Variants in CSMD1 observed in about 807,000 individuals in gnomAD.
CSMD1 encodes CUB and Sushi multiple domains 1.
Under a neutral mutation model 417.5 loss-of-function variants are expected in CSMD1, and 213 were observed. The ratio of observed to expected loss-of-function variants is 0.51; its 90% CI spans 0.46 to 0.57. The LOEUF (loss-of-function observed/expected upper bound fraction) is 0.57, where lower values mean the gene tolerates loss of function less well. Among genes scored for constraint, CSMD1 ranks in the 20% least tolerant of loss-of-function variants. The pLI is 0.00. For missense variants in CSMD1, 6,923 were observed against 4,529.7 expected (o/e 1.53, Z -15.17); for synonymous variants, 2,862 against 1,736.8 (o/e 1.65, Z -16.11).
At chr8:4,076,603 A>T (rs1488477045) in intron 3 of CSMD1, among the ~76,000 whole-genome samples, 1 of 152,244 alleles carries the variant, frequency 6.6e-6, no homozygotes, top group Non-Finnish European at 1.5e-5. Flanking sequence ...CTAAACTTAA[A>T]AACATTTGAT....
intron 6 of CSMD1, among the ~76,000 whole-genome samples, chr8:3,714,972 A>G (rs1801743866): frequency 6.6e-6 from 1 of 152,174 alleles, no homozygotes; most frequent in Admixed American, 6.6e-5. Context: ...CATTTACACT[A>G]TAATAAATTA....
intron 5 of CSMD1, among the ~76,000 whole-genome samples, chr8:3,858,644 A>C (rs1453433488): frequency 6.6e-6 from 1 of 151,274 alleles, no homozygotes; most frequent in East Asian, 1.9e-4. Context: ...TTTTCTATGT[A>C]TTTAATGCTG....
intron 1 of CSMD1, among the ~76,000 whole-genome samples, chr8:4,980,036 C>A (rs952451183): frequency 1.3e-5 from 2 of 151,876 alleles, no homozygotes; most frequent in African/African-American, 4.8e-5. Flanking sequence ...GACTCCATCC[C>A]AAAAAATAAA....
chr8:4,467,092 C>G (rs1245492458), intron 2 of CSMD1, among the ~76,000 whole-genome samples: 1 of 122,542 alleles, frequency 8.2e-6, no homozygotes, highest in Admixed American at 9.2e-5. Flanking sequence ...TTTCAAATTT[C>G]AACTTAGTCT....
intron 3 of CSMD1, among the ~76,000 whole-genome samples, chr8:4,302,973 C>G (rs1798059912): frequency 6.6e-6 from 1 of 151,968 alleles, no homozygotes; most frequent in East Asian, 1.9e-4. Context: ...ACCAGAAGTT[C>G]AGCCCTCTGT....
chr8:4,249,389 A>G (rs761282762), intron 3 of CSMD1, among the ~76,000 whole-genome samples: 1 of 152,210 alleles, frequency 6.6e-6, no homozygotes, highest in East Asian at 1.9e-4. Flanking sequence ...ATTCCACAGA[A>G]AACAACTTTT....
intron 7 of CSMD1, among the ~76,000 whole-genome samples, chr8:3,656,923 T>TG (rs1554501854): frequency 2.1e-5 from 3 of 142,542 alleles, no homozygotes; most frequent in Admixed American, 7.0e-5. Context: ...AGACTCTGTC[T>TG]AAAAAAAAAA....
chr8:4,930,182 A>G (rs905383176), intron 1 of CSMD1, among the ~76,000 whole-genome samples: 1 of 152,170 alleles, frequency 6.6e-6, no homozygotes, highest in African/African-American at 2.4e-5. Flanking sequence ...GTAGGCATGG[A>G]CAGACGTTCT....
chr8:4,261,511 T>C (rs956809677), intron 3 of CSMD1, among the ~76,000 whole-genome samples: 2 of 152,204 alleles, frequency 1.3e-5, no homozygotes, highest in African/African-American at 2.4e-5. Context: ...TAGCTAGTAA[T>C]ACTGTTATTA....
intron 1 of CSMD1, among the ~76,000 whole-genome samples, chr8:4,743,365 G>T (rs111244868): frequency 3.1e-3 from 470 of 152,096 alleles, no homozygotes; most frequent in African/African-American, 0.011. Context: ...AACAAAAAAC[G>T]TTCACAGGAT....
intron 1 of CSMD1, among the ~76,000 whole-genome samples, chr8:4,809,942 C>A (rs567069669): frequency 6.7e-4 from 102 of 152,296 alleles, no homozygotes; most frequent in African/African-American, 7.9e-4. Context: ...AAATCAGTTT[C>A]TTCACCTGTT....
intron 3 of CSMD1, among the ~76,000 whole-genome samples, chr8:4,073,994 G>A (rs911338779): frequency 6.6e-6 from 1 of 152,004 alleles, no homozygotes; most frequent in East Asian, 1.9e-4. Context: ...GCTTTGGGAA[G>A]CTTTAATGAC....
At chr8:4,731,315 G>T (rs547864150) in intron 1 of CSMD1, among the ~76,000 whole-genome samples, 2 of 152,252 alleles carry the variant, frequency 1.3e-5, no homozygotes, top group Non-Finnish European at 2.9e-5. Flanking sequence ...GGAATCAGCA[G>T]TTTTTGCTCC....
At chr8:4,450,349 C>T (rs77880457) in intron 2 of CSMD1, among the ~76,000 whole-genome samples, 115 of 152,088 alleles carry the variant, frequency 7.6e-4, no homozygotes, top group Non-Finnish European at 1.4e-3. Flanking sequence ...ATTTAGTAGC[C>T]GGGTGTGGTG....
chr8:3,422,622 A>T (rs1322844920), intron 12 of CSMD1, among the ~76,000 whole-genome samples: 1 of 152,354 alleles, frequency 6.6e-6, no homozygotes, highest in East Asian at 1.9e-4. Context: ...GTCTTTTGGG[A>T]ATCAAGTGGG....
intron 7 of CSMD1, among the ~76,000 whole-genome samples, chr8:3,691,708 C>G (rs964137456): frequency 6.6e-6 from 1 of 152,050 alleles, no homozygotes; most frequent in African/African-American, 2.4e-5. Context: ...AAATAAAACC[C>G]TATAAGGTAA....
chr8:3,751,975 G>C (rs577567426), intron 6 of CSMD1, among the ~76,000 whole-genome samples: 162 of 152,236 alleles, frequency 1.1e-3, no homozygotes, highest in Middle Eastern at 6.8e-3. Flanking sequence ...TGTTAAATCT[G>C]GTACGGGATG....
intron 1 of CSMD1, among the ~76,000 whole-genome samples, chr8:4,737,837 G>C (rs181188369): frequency 6.6e-6 from 1 of 152,192 alleles, no homozygotes; most frequent in Non-Finnish European, 1.5e-5. Context: ...TGGTAGGAAA[G>C]GGAGGAGGAG....
intron 3 of CSMD1, among the ~76,000 whole-genome samples, chr8:4,251,173 G>A (rs535746675): frequency 6.6e-6 from 1 of 152,070 alleles, no homozygotes; most frequent in African/African-American, 2.4e-5. Flanking sequence ...AATGAAGAAA[G>A]GAATATAATA....
Sources: allele counts gnomAD v4.1 joint callset (sites outside exome capture counted in the v4.1 genomes callset), GRCh38; gene constraint gnomAD v4.1.1; transcripts MANE v1.5; gene names NCBI Gene and HGNC (gene_info 2026-07-23, HGNC 2026-07-21).